The following NF2 variants were observed in gnomAD, a reference collection of about 807,000 sequenced individuals.
The protein encoded by NF2 is NF2, moesin-ezrin-radixin like (MERLIN) tumor suppressor.
In NF2, 8 loss-of-function variants were observed where a neutral mutation model predicts 83.7. The ratio of observed to expected loss-of-function variants is 0.10; its 90% CI spans 0.06 to 0.17. The LOEUF is 0.17. Among genes scored for constraint, NF2 ranks in the 10% least tolerant of loss-of-function variants. The probability of loss-of-function intolerance (pLI) is 1.00; values close to 1 mark genes in which losing one functional copy is unlikely to be tolerated. For synonymous variants in NF2, 266 were observed against 269.6 expected, an observed-to-expected ratio of 0.99 and a Z score of 0.13; for missense variants, 533 against 744.4, an observed-to-expected ratio of 0.72 and a Z score of 3.31.
At chr22:29,659,448 A>T (rs2066412080) in intron 7 of NF2, among the ~76,000 whole-genome samples, 1 of 152,204 alleles carries the variant, frequency 6.6e-6, no homozygotes, top group African/African-American at 2.4e-5. Flanking sequence ...GCTGGGGAGT[A>T]TCACTGTGCC....
chr22:29,604,426 T>C (rs1466050241), intron 1 of NF2, among the ~76,000 whole-genome samples: 1 of 152,146 alleles, frequency 6.6e-6, no homozygotes, highest in Non-Finnish European at 1.5e-5. Flanking sequence ...TTTCATTAGG[T>C]AATATTGTTA....
chr22:29,611,906 T>G (rs1215258043), intron 1 of NF2, among the ~76,000 whole-genome samples: 1 of 152,230 alleles, frequency 6.6e-6, no homozygotes, highest in Non-Finnish European at 1.5e-5. Context: ...ATAAAAATAC[T>G]TATAACAAAA....
chr22:29,616,740 C>T (rs1479106416), intron 1 of NF2, among the ~76,000 whole-genome samples: 2 of 145,662 alleles, frequency 1.4e-5, no homozygotes, highest in Non-Finnish European at 3.0e-5. Flanking sequence ...GAAACTCCGT[C>T]TCAAGAAAAA....
chr22:29,608,758 AAT>A, intron 1 of NF2: 1 of 193,890 alleles, frequency 5.2e-6, no homozygotes, highest in Non-Finnish European at 1.0e-5. Flanking sequence ...ACTTCAATAA[AAT>A]GGACAAACTC....
intron 9 of NF2, among the ~76,000 whole-genome samples, chr22:29,665,981 C>A (rs931020335): frequency 6.6e-5 from 10 of 152,058 alleles, no homozygotes; most frequent in African/African-American, 1.7e-4. Flanking sequence ...TGAAATTTAT[C>A]TAAATGCTGT....
chr22:29,634,786 G>A (rs2065604493), intron 1 of NF2, among the ~76,000 whole-genome samples: 3 of 152,318 alleles, frequency 2.0e-5, no homozygotes, highest in East Asian at 1.9e-4. Context: ...AGTGAAGTCT[G>A]CCTGTAGGAA....
At chr22:29,640,856 G>T (rs1460009258) in intron 3 of NF2, among the ~76,000 whole-genome samples, 1 of 152,152 alleles carries the variant, frequency 6.6e-6, no homozygotes, top group African/African-American at 2.4e-5. Context: ...CTCTTAGGCT[G>T]GGCGTGGTGG....
At chr22:29,669,245 C>T (rs1311121971) in intron 10 of NF2, among the ~76,000 whole-genome samples, 1 of 152,208 alleles carries the variant, frequency 6.6e-6, no homozygotes, top group African/African-American at 2.4e-5. Flanking sequence ...TCTTTGCTTT[C>T]TGAGGTAGTG....
chr22:29,634,212 G>A (rs1422368013), intron 1 of NF2, among the ~76,000 whole-genome samples: 2 of 152,152 alleles, frequency 1.3e-5, no homozygotes, highest in Admixed American at 1.3e-4. Context: ...GTCTACATTA[G>A]GTAATTACTC....
chr22:29,673,339 T>C lies in NF2; in HGVS notation c.1193T>C (p.Leu398Pro), dbSNP rs2147082680. The change falls in exon 12 of 16, where the codon CTG becomes CCG. Residue 398 changes from leucine (L) to proline (P), a missense_variant. This residue lies in a region of NF2 where 8 missense variants were observed against 28.6 expected (regional missense o/e 0.28). Coordinates refer to ENST00000338641, the MANE Select transcript of NF2 (RefSeq NM_000268.4). ...ATCACCGAGGAGGAGGCAAAACTTC[T>C]GGCCCAGAAGGCCGCAGAGGCTGAG... The part of the protein sequence containing the change: ...AQITEEEAKL[L>P]AQKAAEAEQE... 6.2e-7 allele frequency: 1 copy of C among 1,603,494 alleles called. No individual in the cohort carries two copies. Among genetic ancestry groups the C allele is most frequent in the Non-Finnish European group, 8.5e-7 (1 of 1,175,856 alleles).
At chr22:29,647,082 A>G (rs947325612) in intron 4 of NF2, among the ~76,000 whole-genome samples, 3 of 151,864 alleles carry the variant, frequency 2.0e-5, no homozygotes, top group Non-Finnish European at 4.4e-5. Context: ...GTGCAGTCAC[A>G]TGACACACTA....
intron 8 of NF2, among the ~76,000 whole-genome samples, chr22:29,663,917 G>C (rs1480284700): frequency 6.6e-6 from 1 of 152,136 alleles, no homozygotes; most frequent in East Asian, 1.9e-4. Context: ...TCTAACCCTA[G>C]GTTCTCCTAC....
At chr22:29,666,423 G>A (rs2066625106) in intron 9 of NF2, among the ~76,000 whole-genome samples, 1 of 152,106 alleles carries the variant, frequency 6.6e-6, no homozygotes, top group Admixed American at 6.5e-5. Flanking sequence ...ACAGGCGTGA[G>A]CCACTGCACC....
intron 10 of NF2, among the ~76,000 whole-genome samples, 190 bp downstream of exon 10, chr22:29,668,636 C>T (rs1293230658): frequency 1.3e-5 from 2 of 152,106 alleles, no homozygotes; most frequent in African/African-American, 4.8e-5. Context: ...AGGAATAAAC[C>T]CTAATAGCAT....
At chr22:29,683,249 C>T (rs1255482740) in intron 15 of NF2, 1 of 1,522,334 alleles carries the variant, frequency 6.6e-7, no homozygotes, top group Non-Finnish European at 8.8e-7. Flanking sequence ...TGAAGCCAGA[C>T]CAGCCTCCAG....
rs761564423 is a variant in NF2 at position 29,668,306 on chromosome 22, C to T, written c.886-27C>T. 16 of 1,570,670 alleles carry T rather than the reference C, an allele frequency of 1.0e-5. 1 individual carries two copies. In the South Asian group the frequency reaches 1.7e-4, roughly 16 times the overall value. On this transcript the variant is annotated intron_variant, in intron 9 of 15. Transcript: ENST00000338641. ...AGTGAAGTAAATTTGTGGATATTAA[C>T]CTTTTTGTCTGCTTCTGTGGCCACA... is the stretch of plus-strand genomic sequence containing the variant.
rs560830995 is a variant in NF2, at chr22:29,609,027, A to T, written c.114+4915A>T. The T allele has an allele frequency of 1.0e-3, 716 of 704,806 alleles. 3 individuals carry two copies. The highest frequency in any genetic ancestry group is 1.7e-3 in the Non-Finnish European group (655 of 377,912). The allele number at this position is 704,806 out of a possible 1,614,324, so 43.7% of individuals were successfully genotyped here. A position where few individuals can be genotyped will look rare whatever the true frequency, so the allele number is the denominator to read the frequency against. ...ACCGGAATGTAATGGATGAACATGCATGTGATGGTGTCCAAGCCAGAACAG... is the reference window on the plus strand; with the variant it reads ...ACCGGAATGTAATGGATGAACATGCTTGTGATGGTGTCCAAGCCAGAACAG... On this transcript the variant is annotated intron_variant, in intron 1 of 15. Transcript: ENST00000338641.
At position 29,636,632 on chromosome 22, in the gene NF2, T is replaced by G; in HGVS notation, c.115-119T>G. 7.8e-7 allele frequency: 1 copy of G among 1,281,712 alleles called. No individual in the cohort carries two copies. The highest frequency in any genetic ancestry group is 1.1e-6 in the Non-Finnish European group (1 of 881,398). The allele number at this position is 1,281,712 out of a possible 1,614,324, so 79.4% of individuals were successfully genotyped here. On this transcript the variant is annotated intron_variant, in intron 1 of 15. Coordinates refer to ENST00000338641, the MANE Select transcript of NF2 (RefSeq NM_000268.4). This position sits in a 1 kb window ranked among gnomAD's most constrained non-coding sequence, Gnocchi z 4.4. ...TTAAAATTATTTAGGAATTCAGTCCTCATCAGCTGTCTTAGTGTCATCCCC... is the reference window on the plus strand; with the variant it reads ...TTAAAATTATTTAGGAATTCAGTCCGCATCAGCTGTCTTAGTGTCATCCCC...
At chr22:29,638,326 C>A (rs1171452145) in intron 2 of NF2, among the ~76,000 whole-genome samples, 2 of 149,386 alleles carry the variant, frequency 1.3e-5, no homozygotes, top group Non-Finnish European at 3.0e-5. Context: ...TCATAATGAT[C>A]TAGTTCATCA....
Sources: gnomAD v4.1 joint callset for allele counts (sites outside exome capture counted in the v4.1 genomes callset) on GRCh38, gnomAD v4.1.1 for gene constraint, gnomAD v4.1.1 regional missense constraint, Gnocchi (gnomAD v3.1) non-coding constraint, MANE v1.5 for transcripts, NCBI Gene and HGNC (gene_info 2026-07-23, HGNC 2026-07-21) for gene names.